The following FBXL13 variants were observed in gnomAD, a reference collection of about 807,000 sequenced individuals.
FBXL13 encodes F-box and leucine-rich repeat protein 13.
A neutral mutation model predicts 83.6 loss-of-function variants in FBXL13; 67 were observed. The observed-to-expected ratio is 0.80, with a 90% CI of 0.66 to 0.98. The LOEUF (loss-of-function observed/expected upper bound fraction) is 0.98, where lower values mean the gene tolerates loss of function less well. FBXL13 is among the 50% of genes least tolerant of loss of function. The pLI, the probability that FBXL13 is intolerant of heterozygous loss-of-function variation, is 0.00. For synonymous variants in FBXL13, 272 were observed against 299.5 expected, an observed-to-expected ratio of 0.91 and a Z score of 0.95; for missense variants, 822 against 866.5, an observed-to-expected ratio of 0.95 and a Z score of 0.64.
At position 102,873,789 on chromosome 7, in the gene FBXL13, T is replaced by C. The variant is rs1808858664; in HGVS notation, c.1635+3678A>G. On this transcript the variant is annotated intron_variant, in intron 16 of 19. Transcript: ENST00000313221. Reference sequence around the variant, plus strand: ...GCCATACCCAAATGTGTAGGTTTCTTGATATCTCACACTTTTAAACCTCCA... The same window carrying C: ...GCCATACCCAAATGTGTAGGTTTCTCGATATCTCACACTTTTAAACCTCCA... Among the ~76,000 whole-genome samples the C allele has an allele frequency of 2.0e-5, 3 of 152,218 alleles. No homozygotes were observed. The South Asian group carries it at 6.2e-4, about 32-fold the overall frequency.
At chr7:102,971,067 G>C (rs945923665) in intron 6 of FBXL13, among the ~76,000 whole-genome samples, 6 of 152,084 alleles carry the variant, frequency 3.9e-5, no homozygotes, top group African/African-American at 1.4e-4. Context: ...CTGATGAAAG[G>C]CAACACTTTT....
At chr7:103,019,217 A>ATGAC (rs1287600070) in intron 6 of FBXL13, among the ~76,000 whole-genome samples, 2 of 152,230 alleles carry the variant, frequency 1.3e-5, no homozygotes, top group Non-Finnish European at 2.9e-5. Flanking sequence ...CTGCTTCTGA[A>ATGAC]TGACTACTGG....
chr7:103,061,203 G>GT (rs1047651249), intron 1 of FBXL13, among the ~76,000 whole-genome samples: 1 of 147,514 alleles, frequency 6.8e-6, no homozygotes, highest in Non-Finnish European at 1.5e-5. Flanking sequence ...TTTCTTTTTT[G>GT]TTTTTTGTTA....
chr7:103,051,165 T>C (rs1444312863), intron 2 of FBXL13, among the ~76,000 whole-genome samples: 1 of 152,162 alleles, frequency 6.6e-6, no homozygotes, highest in East Asian at 1.9e-4. Context: ...GAGCCAATGA[T>C]TTTTCCTACC....
chr7:103,041,929 C>A (rs1341208497), intron 2 of FBXL13, among the ~76,000 whole-genome samples: 1 of 152,194 alleles, frequency 6.6e-6, no homozygotes, highest in Non-Finnish European at 1.5e-5. Flanking sequence ...AGGATGCCCT[C>A]TCTCAATACT....
intron 1 of FBXL13, among the ~76,000 whole-genome samples, chr7:103,061,937 C>CA (rs768909275): frequency 0.058 from 2,008 of 34,382 alleles, 60 homozygotes; most frequent in Non-Finnish European, 0.088. Context: ...GACTGCGTCT[C>CA]AAAAAAAAAA....
At chr7:102,894,229 A>G (rs1811976062) in intron 11 of FBXL13, among the ~76,000 whole-genome samples, 1 of 152,192 alleles carries the variant, frequency 6.6e-6, no homozygotes, top group Non-Finnish European at 1.5e-5. Flanking sequence ...TAACCTAGAG[A>G]GAACTGAAAT....
At chr7:102,939,364 A>G in intron 8 of FBXL13, 10 of 1,366,320 alleles carry the variant, frequency 7.3e-6, no homozygotes, top group South Asian at 1.3e-5. Context: ...TCACACAGAT[A>G]TAACGGTGAC....
chr7:102,948,275 GCTGGTCTCAAAC>G (rs921253054), intron 8 of FBXL13, among the ~76,000 whole-genome samples: 1 of 151,840 alleles, frequency 6.6e-6, no homozygotes, highest in Non-Finnish European at 1.5e-5. Context: ...TGTTGGCCAA[GCTGGTCTCAAAC>G]TCCTGACTTC....
chr7:102,876,189 G>C (rs377447685), intron 16 of FBXL13, among the ~76,000 whole-genome samples: 1 of 152,310 alleles, frequency 6.6e-6, no homozygotes, highest in East Asian at 1.9e-4. Flanking sequence ...CCCAGAGCAA[G>C]GCAGACACGA....
At chr7:102,934,552 TGAA>T (rs3832497) in intron 8 of FBXL13, 1,278,100 of 1,613,360 alleles carry the variant, frequency 0.79, 513,073 homozygotes, top group Middle Eastern at 0.83. Flanking sequence ...AGTTGTGTAA[TGAA>T]GAAGAAAAGG....
chr7:103,044,433 C>T (rs1424879274), intron 2 of FBXL13, among the ~76,000 whole-genome samples: 2 of 152,262 alleles, frequency 1.3e-5, no homozygotes, highest in Non-Finnish European at 2.9e-5. Context: ...AGATGACATT[C>T]AGGAATTATT....
At chr7:103,044,518 A>G (rs1384325531) in intron 2 of FBXL13, among the ~76,000 whole-genome samples, 1 of 151,272 alleles carries the variant, frequency 6.6e-6, no homozygotes, top group Admixed American at 6.6e-5. Context: ...GATGCACACT[A>G]CAGTATAATA....
chr7:103,052,809 T>A (rs1346298344), intron 2 of FBXL13, among the ~76,000 whole-genome samples: 1 of 148,464 alleles, frequency 6.7e-6, no homozygotes, highest in Non-Finnish European at 1.5e-5. Flanking sequence ...CAGGCTGGAG[T>A]GCAGTGGCAC....
At chr7:102,970,584 C>A (rs1028968650) in intron 6 of FBXL13, among the ~76,000 whole-genome samples, 10 of 152,090 alleles carry the variant, frequency 6.6e-5, no homozygotes, top group African/African-American at 1.2e-4. Flanking sequence ...TTACAGGATA[C>A]CCATGGATTA....
chr7:102,877,279 A>G (rs1473659105), intron 16 of FBXL13, among the ~76,000 whole-genome samples, 188 bp downstream of exon 17: 4 of 152,232 alleles, frequency 2.6e-5, no homozygotes, highest in Non-Finnish European at 5.9e-5. Flanking sequence ...TTTTTTAAAC[A>G]GAGAAACATG....
chr7:103,068,994 G>A (rs952594962), intron 1 of FBXL13, among the ~76,000 whole-genome samples: 8 of 152,136 alleles, frequency 5.3e-5, no homozygotes, highest in East Asian at 3.8e-4. Flanking sequence ...CTGCCCAGCC[G>A]CCCCACCATC....
chr7:102,885,444 G>A (rs1196140109), intron 11 of FBXL13, among the ~76,000 whole-genome samples: 1 of 150,646 alleles, frequency 6.6e-6, no homozygotes, highest in African/African-American at 2.4e-5. Context: ...CAAGTTATTT[G>A]CCTTTTTTTT....
intron 16 of FBXL13, among the ~76,000 whole-genome samples, chr7:102,865,434 C>T (rs1056845247): frequency 3.3e-5 from 5 of 152,068 alleles, no homozygotes; most frequent in African/African-American, 4.8e-5. Flanking sequence ...ATCTCCCAAG[C>T]GATCTTCCCT....
Sources: gnomAD v4.1 joint callset for allele counts (sites outside exome capture counted in the v4.1 genomes callset) on GRCh38, gnomAD v4.1.1 for gene constraint, MANE v1.5 for transcripts, NCBI Gene and HGNC (gene_info 2026-07-23, HGNC 2026-07-21) for gene names.